SHCBP1L: variants seen among roughly 807,000 people sequenced by gnomAD.
SHCBP1L encodes SHC binding and spindle associated 1 like.
Under a neutral mutation model 62.5 loss-of-function variants are expected in SHCBP1L, and 67 were observed. The observed-to-expected ratio is 1.07, with a 90% CI of 0.88 to 1.31. The LOEUF (loss-of-function observed/expected upper bound fraction) is 1.31, where lower values mean the gene tolerates loss of function less well. SHCBP1L is among the 40% of genes most tolerant of loss of function. The pLI is 0.00. For synonymous variants in SHCBP1L, 284 were observed against 289.4 expected, an observed-to-expected ratio of 0.98 and a Z score of 0.19; for missense variants, 823 against 809.8, an observed-to-expected ratio of 1.02 and a Z score of -0.20.
intron 5 of SHCBP1L, among the ~76,000 whole-genome samples, chr1:182,932,958 T>C (rs899830877): frequency 1.3e-5 from 2 of 150,788 alleles, no homozygotes; most frequent in African/African-American, 4.9e-5. Context: ...CAGGCTGGAG[T>C]GCAGTGGTGC....
chr1:182,944,683 A>T (rs1468976238), intron 2 of SHCBP1L, among the ~76,000 whole-genome samples: 10 of 151,994 alleles, frequency 6.6e-5, no homozygotes, highest in Non-Finnish European at 1.5e-5. Flanking sequence ...CAGTTTTGGC[A>T]TTGGATATTG....
chr1:182,909,580 A>AT (rs896520505), intron 6 of SHCBP1L, among the ~76,000 whole-genome samples: 1 of 152,188 alleles, frequency 6.6e-6, no homozygotes, highest in East Asian at 1.9e-4. Context: ...TTATACACAG[A>AT]TTTTTTTCAA....
At chr1:182,923,713 A>T (rs556958027) in intron 6 of SHCBP1L, among the ~76,000 whole-genome samples, 6 of 152,346 alleles carry the variant, frequency 3.9e-5, no homozygotes, top group Admixed American at 1.3e-4. Flanking sequence ...ACTCTCAACA[A>T]GCTAGGCACT....
intron 6 of SHCBP1L, among the ~76,000 whole-genome samples, chr1:182,909,738 C>T (rs958586944): frequency 3.3e-5 from 5 of 152,136 alleles, no homozygotes; most frequent in Admixed American, 2.6e-4. Flanking sequence ...TGTCTGTGGA[C>T]TAATCTCTGT....
intron 2 of SHCBP1L, among the ~76,000 whole-genome samples, chr1:182,944,834 A>T (rs1326056793): frequency 2.0e-5 from 3 of 152,140 alleles, no homozygotes; most frequent in Non-Finnish European, 4.4e-5. Context: ...AATATGTTTG[A>T]AAAATGTGAT....
rs1557996833 is a variant in SHCBP1L at position 182,924,780 on chromosome 1, GAAA to G, written c.1182+4864_1182+4866del. Among the ~76,000 whole-genome samples, 11 of 94,858 alleles carry G rather than the reference GAAA, an allele frequency of 1.2e-4. No individual in the cohort carries two copies. In the East Asian group the frequency reaches 2.2e-3, roughly 19 times the overall value. The allele number at this position is 94,858 out of a possible 152,430, so 62.2% of individuals were successfully genotyped here. ...AGAAAGAAAGAAAGAAAGAAAGAAA[GAAA>G]GAAAGAGAGAAAGAAAGGAAGGAAG... On this transcript the variant is annotated intron_variant, in intron 6 of 9. Transcript: ENST00000367547.
rs752346929 is a variant in SHCBP1L, at chr1:182,932,468, A to ATTAT, written c.1077-2720_1077-2717dup. ...TTCTAGGAATTTTTTATGGAATTTT[A>ATTAT]TTATTTATTTATTTATTTATTTATT... is the stretch of plus-strand genomic sequence containing the variant. On this transcript the variant is annotated intron_variant, in intron 5 of 9. Transcript: ENST00000367547. 7.9e-3 allele frequency among the ~76,000 whole-genome samples: 1,191 copies of ATTAT among 151,140 alleles called. 16 individuals are homozygous for ATTAT. Among genetic ancestry groups the ATTAT allele is most frequent in the East Asian group, 0.041 (209 of 5,142 alleles).
intron 3 of SHCBP1L, among the ~76,000 whole-genome samples, chr1:182,939,973 C>A (rs1033130705): frequency 1.3e-5 from 2 of 151,712 alleles, no homozygotes; most frequent in African/African-American, 4.8e-5. Flanking sequence ...ATGATGATAT[C>A]TAGTATTTGT....
Position 182,953,115 on chromosome 1 carries a change from C to A in SHCBP1L, c.19G>T (p.Ala7Ser). Residue 7 changes from alanine to serine, a missense_variant, in exon 1 of 10, where the codon GCC (alanine) becomes TCC (serine). Transcript: ENST00000367547. ...CGGAATGAGTCCGCGGGCACCGAGG[C>A]CTTGGAGCCCGACGCCATCTCCTCA... MASGSK[A>S]SVPADSFRTI... 2 of 1,578,470 alleles carry A rather than the reference C, an allele frequency of 1.3e-6. No homozygotes were observed. The highest frequency in any genetic ancestry group is 1.7e-6 in the Non-Finnish European group (2 of 1,170,504).
Position 182,952,880 on chromosome 1 carries a change from G to A in SHCBP1L, c.254C>T (p.Ala85Val), listed in dbSNP as rs772037310. 1.1e-5 allele frequency: 18 copies of A among 1,593,464 alleles called. No homozygotes were observed. The South Asian group carries it at 1.8e-4, about 16-fold the overall frequency. Residue 85 changes from alanine to valine, a missense_variant, in exon 1 of 10, where the codon GCG becomes GTG. Ala to Val is a moderately conservative substitution (Grantham distance 64, BLOSUM62 0). Transcript: ENST00000367547. ...AAQAEDTGEAAAAAAEEPLLP... is the reference protein window; with the variant it reads ...AAQAEDTGEAVAAAAEEPLLP... ...CAGGGGCTCCTCCGCCGCCGCCGCC[G>A]CCGCCTCTCCCGTGTCCTCGGCCTG... is the stretch of plus-strand genomic sequence containing the variant.
chr1:182,920,510 C>A (rs1332847238), intron 6 of SHCBP1L, among the ~76,000 whole-genome samples: 1 of 152,170 alleles, frequency 6.6e-6, no homozygotes, highest in Non-Finnish European at 1.5e-5. Flanking sequence ...CTTAAAAAGC[C>A]AGAGTGTCTT....
chr1:182,923,395 C>A (rs1156869320), intron 6 of SHCBP1L, among the ~76,000 whole-genome samples: 1 of 152,156 alleles, frequency 6.6e-6, no homozygotes, highest in Non-Finnish European at 1.5e-5. Context: ...GATACCAAAA[C>A]CTGGCAGAAG....
chr1:182,928,428 A>G (rs1488783616), intron 6 of SHCBP1L, among the ~76,000 whole-genome samples: 14 of 152,190 alleles, frequency 9.2e-5, no homozygotes, highest in Admixed American at 9.2e-4. Context: ...ATGATAAAGG[A>G]AAGTGTCAAT....
At chr1:182,941,154 G>T (rs577815111) in intron 2 of SHCBP1L, among the ~76,000 whole-genome samples, 1 of 124,558 alleles carries the variant, frequency 8.0e-6, no homozygotes, top group South Asian at 2.6e-4. Flanking sequence ...AAATGACAAT[G>T]ATAATAACAA....
chr1:182,950,753 C>CT (rs199657768), intron 2 of SHCBP1L: 78 of 146,394 alleles, frequency 5.3e-4, no homozygotes, highest in Middle Eastern at 3.5e-3. Flanking sequence ...TAGAAGGGTA[C>CT]TTTTTTTTTT....
At chr1:182,950,879 G>A (rs771624655) in intron 2 of SHCBP1L, among the ~76,000 whole-genome samples, 5 of 151,164 alleles carry the variant, frequency 3.3e-5, no homozygotes, top group Non-Finnish European at 7.4e-5. Flanking sequence ...CCCTAAAAAG[G>A]GTACTTTTCA....
chr1:182,908,236 G>A (rs999829336), intron 6 of SHCBP1L, among the ~76,000 whole-genome samples: 2 of 152,150 alleles, frequency 1.3e-5, no homozygotes, highest in African/African-American at 2.4e-5. Context: ...CATAGTACCC[G>A]ATAGGTAGTT....
chr1:182,922,248 G>T (rs2101933884), intron 6 of SHCBP1L, among the ~76,000 whole-genome samples: 1 of 152,178 alleles, frequency 6.6e-6, no homozygotes, highest in South Asian at 2.1e-4. Flanking sequence ...AATTGAGGCA[G>T]AAAATTAAGA....
intron 2 of SHCBP1L, among the ~76,000 whole-genome samples, chr1:182,947,164 G>T (rs1308163742): frequency 6.6e-6 from 1 of 150,728 alleles, no homozygotes; most frequent in Admixed American, 6.6e-5. Flanking sequence ...TTGAACCTGG[G>T]AGCTGGAGAT....
Sources: allele counts gnomAD v4.1 joint callset (sites outside exome capture counted in the v4.1 genomes callset), GRCh38; gene constraint gnomAD v4.1.1; transcripts MANE v1.5; gene names NCBI Gene and HGNC (gene_info 2026-07-23, HGNC 2026-07-21).